Variants in NDUFA10 observed in about 807,000 individuals in gnomAD.
The protein encoded by NDUFA10 is NADH dehydrogenase [ubiquinone] 1 alpha subcomplex subunit 10, mitochondrial.
Under a neutral mutation model 47.8 loss-of-function variants are expected in NDUFA10, and 40 were observed. That is an observed-to-expected ratio of 0.84 (90% CI 0.65 to 1.09). The LOEUF is 1.09. Among genes scored for constraint, NDUFA10 ranks in the 50% least tolerant of loss-of-function variants. NDUFA10 has a pLI of 0.00. For synonymous variants in NDUFA10, 183 were observed against 172.2 expected (o/e 1.06, Z -0.49); for missense variants, 413 against 451.1 (o/e 0.92, Z 0.76).
intron 4 of NDUFA10, among the ~76,000 whole-genome samples, chr2:239,913,747 G>C (rs1316050219): frequency 6.6e-6 from 1 of 152,210 alleles, no homozygotes; most frequent in African/African-American, 2.4e-5. Flanking sequence ...CAGAGTCCCT[G>C]AGCTCAACCG....
intron 4 of NDUFA10, among the ~76,000 whole-genome samples, chr2:239,950,836 G>A (rs538517193): frequency 2.0e-5 from 3 of 152,296 alleles, no homozygotes; most frequent in Admixed American, 6.5e-5. Context: ...TCCATTCTGT[G>A]ATTCAAGTAG....
At chr2:239,915,192 CGTAT>C (rs1693835774) in intron 4 of NDUFA10, among the ~76,000 whole-genome samples, 3 of 144,834 alleles carry the variant, frequency 2.1e-5, no homozygotes, top group South Asian at 2.2e-4. Context: ...AGAACACACA[CGTAT>C]ACAGACACAC....
chr2:239,956,990 C>T (rs1694671502), downstream of NDUFA10, among the ~76,000 whole-genome samples: 1 of 152,190 alleles, frequency 6.6e-6, no homozygotes, highest in South Asian at 2.1e-4. Context: ...CTCACTCCTT[C>T]CCTCGCCTCC....
chr2:240,013,129 GT>G, intron 5 of NDUFA10: 1 of 152,334 alleles, frequency 6.6e-6, no homozygotes, highest in East Asian at 1.9e-4. Context: ...AAAATATGTA[GT>G]TATTGATCAC....
intron 1 of NDUFA10, among the ~76,000 whole-genome samples, chr2:240,023,062 C>T (rs984578144): frequency 2.0e-5 from 3 of 152,180 alleles, no homozygotes; most frequent in Non-Finnish European, 4.4e-5. Context: ...TGTCGGCACC[C>T]TCACACCTCT....
chr2:239,901,963 G>C (rs1299930168), intron 4 of NDUFA10, among the ~76,000 whole-genome samples: 6 of 152,148 alleles, frequency 3.9e-5, no homozygotes, highest in Non-Finnish European at 7.4e-5. Context: ...GAAAATTTGA[G>C]TGAATGAGGA....
chr2:239,934,625 CCTT>C (rs888792400), intron 4 of NDUFA10, among the ~76,000 whole-genome samples: 1 of 152,146 alleles, frequency 6.6e-6, no homozygotes, highest in African/African-American at 2.4e-5. Flanking sequence ...TCAACATCCT[CCTT>C]GTTTGAAGCT....
intron 4 of NDUFA10, among the ~76,000 whole-genome samples, chr2:239,939,523 G>C (rs1447382495): frequency 6.6e-6 from 1 of 152,224 alleles, no homozygotes; most frequent in African/African-American, 2.4e-5. Flanking sequence ...GTTTGCTTTT[G>C]CATTTTTAAG....
chr2:239,893,656 T>A (rs1693336668), intron 5 of NDUFA10, among the ~76,000 whole-genome samples: 1 of 152,146 alleles, frequency 6.6e-6, no homozygotes, highest in South Asian at 2.1e-4. Flanking sequence ...AAGGCACTAA[T>A]CCATTCATGA....
At chr2:239,929,442 C>G (rs1694121602) in intron 4 of NDUFA10, among the ~76,000 whole-genome samples, 1 of 152,176 alleles carries the variant, frequency 6.6e-6, no homozygotes, top group Non-Finnish European at 1.5e-5. Context: ...AGAGCTCTTG[C>G]AAGGAATGCA....
At chr2:239,922,612 C>T (rs561194534) in intron 4 of NDUFA10, among the ~76,000 whole-genome samples, 1 of 152,378 alleles carries the variant, frequency 6.6e-6, no homozygotes, top group Non-Finnish European at 1.5e-5. Context: ...TTACCACTGT[C>T]GTCCGTCAGG....
At chr2:239,917,858 A>G (rs917045050) in intron 4 of NDUFA10, among the ~76,000 whole-genome samples, 7 of 152,216 alleles carry the variant, frequency 4.6e-5, no homozygotes, top group Non-Finnish European at 1.0e-4. Context: ...GATTCCCACA[A>G]CAAGAGCCCC....
intron 8 of NDUFA10, among the ~76,000 whole-genome samples, chr2:239,996,799 GTTT>G (rs950361020): frequency 1.3e-5 from 2 of 148,258 alleles, no homozygotes; most frequent in Non-Finnish European, 3.0e-5. Flanking sequence ...AACATTGTGA[GTTT>G]TTTTGCCTTT....
intron 8 of NDUFA10, 22 bp from the exon 9 acceptor site, chr2:239,990,204 GATCAC>G: frequency 6.5e-7 from 1 of 1,543,394 alleles, no homozygotes; most frequent in Non-Finnish European, 9.0e-7. Flanking sequence ...GACACATGTG[GATCAC>G]ACCAAACCAT....
At chr2:240,010,773 C>T (rs1388180000) in intron 6 of NDUFA10, among the ~76,000 whole-genome samples, 1 of 152,054 alleles carries the variant, frequency 6.6e-6, no homozygotes, top group Non-Finnish European at 1.5e-5. Context: ...ATATTATCTT[C>T]TAAGGCTGTT....
In NDUFA10 at chr2:240,020,700, C is replaced by G. The variant is rs148018818; in HGVS notation, c.460+497G>C. On this transcript the variant is annotated intron_variant, in intron 3 of 9. Coordinates refer to ENST00000252711, the MANE Select transcript of NDUFA10 (RefSeq NM_004544.4). The stretch of plus-strand genomic sequence containing the variant: ...CCCTACTGCACTGGCCTATGGGACC[C>G]TGTGTGTTCTGCCTCCCCCCGTCAT... Among the ~76,000 whole-genome samples, 4 of 152,270 alleles carry G rather than the reference C, an allele frequency of 2.6e-5. No individual in the cohort carries two copies. In the East Asian group the frequency reaches 7.7e-4, roughly 29 times the overall value.
At chr2:239,952,522 GAGCACCAAC>G (rs1694573130), downstream of NDUFA10, among the ~76,000 whole-genome samples, 1 of 152,188 alleles carries the variant, frequency 6.6e-6, no homozygotes, top group South Asian at 2.1e-4. Context: ...AAGAGCTTCT[GAGCACCAAC>G]AGCTTCCAGG....
Position 240,022,337 on chromosome 2 carries a change from C to G in NDUFA10, c.79G>C (p.Gly27Arg). The G allele has an allele frequency of 6.2e-7, 1 of 1,614,082 alleles. No individual in the cohort carries two copies. Among genetic ancestry groups the G allele is most frequent in the Non-Finnish European group, 8.5e-7 (1 of 1,180,010 alleles). The change falls in exon 2 of 10, where the codon GGA (glycine) becomes CGA (arginine). Residue 27 changes from glycine (G) to arginine (R), a missense_variant. Transcript: ENST00000252711. ...VVAAGAQRVR[G>R]IHSSVQCKLR... ...TTGCACTGCACACTGCTATGAATTC[C>G]TCTCTGAAAAACACAAAATCACACA... is the stretch of plus-strand genomic sequence containing the variant.
chr2:239,893,176 G>A (rs990260404), intron 5 of NDUFA10, among the ~76,000 whole-genome samples: 1 of 152,244 alleles, frequency 6.6e-6, no homozygotes, highest in Non-Finnish European at 1.5e-5. Context: ...GCCAGGGCAG[G>A]GGGTGGGCTG....
Sources: allele counts gnomAD v4.1 joint callset (sites outside exome capture counted in the v4.1 genomes callset), GRCh38; gene constraint gnomAD v4.1.1; transcripts MANE v1.5; gene names NCBI Gene and HGNC (gene_info 2026-07-23, HGNC 2026-07-21).